GREB1L: variants seen among roughly 807,000 people sequenced by gnomAD.
GREB1L encodes GREB1 like retinoic acid receptor coactivator.
GREB1L carries 17 observed loss-of-function variants against 200.8 expected under a neutral mutation model. The ratio of observed to expected loss-of-function variants is 0.08; its 90% CI spans 0.06 to 0.13. The LOEUF (loss-of-function observed/expected upper bound fraction) is 0.13, where lower values mean the gene tolerates loss of function less well. Ranked by LOEUF, GREB1L falls within the 10% of genes least tolerant of loss-of-function variation. The probability of loss-of-function intolerance (pLI) is 1.00; values close to 1 mark genes in which losing one functional copy is unlikely to be tolerated. For synonymous variants in GREB1L, 789 were observed against 893.0 expected (o/e 0.88, Z 2.08); for missense variants, 1,657 against 2,367.7 (o/e 0.70, Z 6.23).
chr18:21,357,179 T>G (rs1219139431), intron 1 of GREB1L, among the ~76,000 whole-genome samples: 1 of 152,160 alleles, frequency 6.6e-6, no homozygotes, highest in African/African-American at 2.4e-5. Flanking sequence ...CTCCGCCTCC[T>G]GAGTAGCTGG....
chr18:21,513,794 T>C (rs773197725), intron 27 of GREB1L, 27 bp from the exon 28 acceptor site: 29 of 1,546,460 alleles, frequency 1.9e-5, no homozygotes, highest in East Asian at 1.2e-4. Flanking sequence ...TGTGTGGATA[T>C]GCAGATGTGG....
At chr18:21,404,964 G>C (rs1389810616) in intron 7 of GREB1L, among the ~76,000 whole-genome samples, 1 of 152,188 alleles carries the variant, frequency 6.6e-6, no homozygotes. Context: ...AAATTCTGAT[G>C]AGCTGGTCAA....
intron 32 of GREB1L, 44 bp from the exon 33 acceptor site, chr18:21,522,614 T>G: frequency 7.0e-7 from 1 of 1,422,712 alleles, no homozygotes; most frequent in Non-Finnish European, 9.4e-7. Context: ...CTTTATAAAT[T>G]CAATCCCTGA....
chr18:21,266,265 A>T (rs2037966195), intron 1 of GREB1L, among the ~76,000 whole-genome samples: 1 of 152,182 alleles, frequency 6.6e-6, no homozygotes, highest in Non-Finnish European at 1.5e-5. Context: ...TTTTAGGAGG[A>T]GAATGATTAG....
At chr18:21,264,556 C>T (rs2037937208) in intron 1 of GREB1L, among the ~76,000 whole-genome samples, 1 of 152,092 alleles carries the variant, frequency 6.6e-6, no homozygotes, top group South Asian at 2.1e-4. Flanking sequence ...TTAAAAGCTA[C>T]AACAACAACA....
intron 1 of GREB1L, among the ~76,000 whole-genome samples, chr18:21,279,477 T>C (rs925721681): frequency 2.6e-5 from 4 of 152,206 alleles, no homozygotes; most frequent in African/African-American, 9.7e-5. Context: ...GGGTAGATTT[T>C]TGGAAGTAAA....
chr18:21,501,285 G>T (rs1184257794), intron 23 of GREB1L, among the ~76,000 whole-genome samples: 1 of 151,038 alleles, frequency 6.6e-6, no homozygotes, highest in East Asian at 1.9e-4. Flanking sequence ...GGATACATGT[G>T]CTGAATGTGC....
At chr18:21,382,034 A>AT (rs543701385) in intron 2 of GREB1L, among the ~76,000 whole-genome samples, 146 of 152,284 alleles carry the variant, frequency 9.6e-4, no homozygotes, top group Non-Finnish European at 1.9e-3. Flanking sequence ...ACAAAAAAAA[A>AT]TTTTGTTTAA....
intron 31 of GREB1L, among the ~76,000 whole-genome samples, chr18:21,519,296 T>A (rs1464496072): frequency 6.6e-6 from 1 of 152,014 alleles, no homozygotes; most frequent in Non-Finnish European, 1.5e-5. Context: ...ACCCTGTCAC[T>A]ACAAAAAATA....
At chr18:21,333,912 G>T (rs1350462333) in intron 1 of GREB1L, among the ~76,000 whole-genome samples, 2 of 151,848 alleles carry the variant, frequency 1.3e-5, no homozygotes, top group Admixed American at 1.3e-4. Flanking sequence ...AGTCTGGGAG[G>T]TTGAGGCTGC....
intron 1 of GREB1L, among the ~76,000 whole-genome samples, chr18:21,339,100 T>C (rs1393796579): frequency 6.6e-6 from 1 of 152,002 alleles, no homozygotes; most frequent in Non-Finnish European, 1.5e-5. Context: ...GGCAGGAGAA[T>C]TGCTTGAACC....
intron 5 of GREB1L, among the ~76,000 whole-genome samples, chr18:21,397,026 G>A (rs2041093459): frequency 6.6e-6 from 1 of 152,078 alleles, no homozygotes; most frequent in African/African-American, 2.4e-5. Context: ...TATTTTTGTA[G>A]TTTGATACAT....
intron 19 of GREB1L, among the ~76,000 whole-genome samples, chr18:21,494,740 A>G (rs1176896794): frequency 6.6e-6 from 1 of 152,240 alleles, no homozygotes; most frequent in African/African-American, 2.4e-5. Context: ...AGTAAAAAGT[A>G]TAGGTACATG....
chr18:21,412,780 T>A (rs995318360), intron 7 of GREB1L, among the ~76,000 whole-genome samples: 34 of 152,044 alleles, frequency 2.2e-4, no homozygotes, highest in African/African-American at 8.0e-4. Context: ...AAGCTATAAA[T>A]GTTTTGTGCA....
At chr18:21,330,089 C>T (rs1318133488) in intron 1 of GREB1L, among the ~76,000 whole-genome samples, 2 of 151,416 alleles carry the variant, frequency 1.3e-5, no homozygotes, top group African/African-American at 4.9e-5. Flanking sequence ...TCTTATAGAA[C>T]ATGTGGGTCC....
intron 28 of GREB1L, among the ~76,000 whole-genome samples, chr18:21,514,812 T>C (rs1051008194): frequency 1.3e-5 from 2 of 152,132 alleles, no homozygotes; most frequent in African/African-American, 2.4e-5. Flanking sequence ...ACCTGTAAAA[T>C]TACGCCTGGG....
intron 7 of GREB1L, among the ~76,000 whole-genome samples, chr18:21,429,144 T>C: frequency 8.2e-6 from 1 of 121,432 alleles, no homozygotes; most frequent in Non-Finnish European, 1.7e-5. Flanking sequence ...CCTTCCTTCC[T>C]TCCTCCCTTC....
At position 21,291,292 on chromosome 18, in the gene GREB1L, C is replaced by T. The variant is rs1313584335; in HGVS notation, c.-120+48899C>T. On this transcript the variant is annotated intron_variant, in intron 1 of 32. Transcript: ENST00000424526. ...AGTGCTGTCCCGCCCTGACTCTCCC[C>T]AAACCTGTTTGCCTGATGACAGCCT... Among the ~76,000 whole-genome samples the T allele has an allele frequency of 3.3e-5, 5 of 152,158 alleles. No homozygotes were observed. The East Asian group carries it at 9.6e-4, about 29-fold the overall frequency.
At position 21,422,646 on chromosome 18, in the gene GREB1L, C is replaced by A. The variant is rs72882806; in HGVS notation, c.833-16875C>A. On this transcript the variant is annotated intron_variant, in intron 7 of 32. Coordinates refer to ENST00000424526, the MANE Select transcript of GREB1L (RefSeq NM_001142966.3). ...GAACTTCCTCATTAATTTTTTACTG[C>A]CACATACTATCTGGATATGCCATAA... Among the ~76,000 whole-genome samples the A allele has an allele frequency of 8.7e-3, 1,317 of 152,220 alleles. 10 individuals are homozygous for A. Among genetic ancestry groups the A allele is most frequent in the Non-Finnish European group, 0.013 (908 of 68,022 alleles).
Sources: allele counts gnomAD v4.1 joint callset (sites outside exome capture counted in the v4.1 genomes callset), GRCh38; gene constraint gnomAD v4.1.1; transcripts MANE v1.5; gene names NCBI Gene and HGNC (gene_info 2026-07-23, HGNC 2026-07-21).